MGMT: variants seen among roughly 807,000 people sequenced by gnomAD.
The protein encoded by MGMT is methylated-DNA--protein-cysteine methyltransferase.
MGMT carries 14 observed loss-of-function variants against 15.9 expected under a neutral mutation model. That is an observed-to-expected ratio of 0.88 (90% CI 0.58 to 1.37). The LOEUF is 1.37. Among genes scored for constraint, MGMT ranks in the 40% most tolerant of loss-of-function variants. The probability of loss-of-function intolerance (pLI) is 0.00; values close to 1 mark genes in which losing one functional copy is unlikely to be tolerated. For missense variants in MGMT, 282 were observed against 268.1 expected, an observed-to-expected ratio of 1.05 and a Z score of -0.36; for synonymous variants, 130 against 118.2, an observed-to-expected ratio of 1.10 and a Z score of -0.65.
At chr10:129,756,977 T>C (rs917735437) in intron 3 of MGMT, among the ~76,000 whole-genome samples, 2 of 152,286 alleles carry the variant, frequency 1.3e-5, no homozygotes, top group Non-Finnish European at 2.9e-5. Flanking sequence ...AGCCATGTGA[T>C]TCTGCACAGG....
intron 4 of MGMT, among the ~76,000 whole-genome samples, chr10:129,764,412 G>A (rs956822409): frequency 1.9e-4 from 29 of 152,224 alleles, no homozygotes; most frequent in African/African-American, 6.8e-4. Flanking sequence ...TGAAATCTGT[G>A]GCAGGTACAT....
At chr10:129,474,476 G>A (rs1845267446) in intron 1 of MGMT, among the ~76,000 whole-genome samples, 1 of 152,198 alleles carries the variant, frequency 6.6e-6, no homozygotes, top group Admixed American at 6.5e-5. Context: ...AAGCCTTGGT[G>A]TGTGTGCTTT....
chr10:129,685,876 C>T (rs762733531), intron 2 of MGMT, among the ~76,000 whole-genome samples: 28 of 152,104 alleles, frequency 1.8e-4, no homozygotes, highest in Non-Finnish European at 3.2e-4. Context: ...GAATAAGAAA[C>T]GTTTCTATTT....
Position 129,494,019 on chromosome 10 carries a change from T to C in MGMT, c.-13+26723T>C, listed in dbSNP as rs117452901. ...TTTTGGAGATGGCATAGTGTCCTAC[T>C]GTAAAGATATAACCTTCTTCCATTG... On this transcript the variant is annotated intron_variant, in intron 1 of 4. Coordinates refer to ENST00000651593, the MANE Select transcript of MGMT (RefSeq NM_002412.5). Among the ~76,000 whole-genome samples, 923 of 152,354 alleles carry C rather than the reference T, an allele frequency of 6.1e-3. 5 individuals carry two copies. The highest frequency in any genetic ancestry group is 9.2e-3 in the Non-Finnish European group (629 of 68,024).
At chr10:129,475,288 C>G (rs1164037412) in intron 1 of MGMT, among the ~76,000 whole-genome samples, 3 of 152,016 alleles carry the variant, frequency 2.0e-5, no homozygotes, top group Non-Finnish European at 4.4e-5. Context: ...GTCTCAGCCT[C>G]CTGCAGTTGT....
chr10:129,531,244 C>T (rs1845928185), intron 1 of MGMT, among the ~76,000 whole-genome samples: 1 of 152,136 alleles, frequency 6.6e-6, no homozygotes, highest in Admixed American at 6.5e-5. Context: ...GGCGGTATTA[C>T]TGTGCGGGCT....
chr10:129,622,277 G>A (rs1402116387), intron 2 of MGMT, among the ~76,000 whole-genome samples: 5 of 152,134 alleles, frequency 3.3e-5, no homozygotes, highest in South Asian at 4.1e-4. Context: ...TCTCATCTTC[G>A]CATCAGTTTT....
intron 2 of MGMT, among the ~76,000 whole-genome samples, chr10:129,602,955 AC>A (rs1846842247): frequency 6.6e-6 from 1 of 152,208 alleles, no homozygotes; most frequent in Admixed American, 6.5e-5. Context: ...CACAAAGCAA[AC>A]AAAGAGGTCA....
Position 129,769,249 on chromosome 10 carries a change from C to G in MGMT, c.*2252C>G, listed in dbSNP as rs1848974112. On this transcript the variant is annotated 3_prime_UTR_variant, in exon 5 of 5. Transcript: ENST00000651593. ...CTCTGACAGCCGCAGCAGCAGGGCT[C>G]AAACCGGCGGGGCCGTGTACCGCTC... 1 of 152,280 alleles carries G rather than the reference C, an allele frequency of 6.6e-6. No individual in the cohort carries two copies. Among genetic ancestry groups the G allele is most frequent in the African/African-American group, 2.4e-5 (1 of 41,464 alleles). 9.4% of individuals were successfully genotyped at this position (152,280 alleles called of 1,614,324 possible). A position where few individuals can be genotyped will look rare whatever the true frequency, so the allele number is the denominator to read the frequency against.
intron 2 of MGMT, among the ~76,000 whole-genome samples, chr10:129,539,428 T>G (rs1385346346): frequency 2.0e-5 from 3 of 152,198 alleles, no homozygotes; most frequent in Non-Finnish European, 4.4e-5. Flanking sequence ...TTTTGCTCTG[T>G]TTGGTTCAGC....
chr10:129,636,370 G>A (rs559562408), intron 2 of MGMT, among the ~76,000 whole-genome samples: 1 of 152,312 alleles, frequency 6.6e-6, no homozygotes, highest in Non-Finnish European at 1.5e-5. Context: ...CTCAATAAAT[G>A]TTGGCTCTGA....
intron 1 of MGMT, among the ~76,000 whole-genome samples, chr10:129,473,812 A>T (rs1405024815): frequency 1.3e-5 from 2 of 152,148 alleles, no homozygotes; most frequent in Admixed American, 6.5e-5. Flanking sequence ...GGACTTGGGG[A>T]TGGCAAAGCT....
chr10:129,720,839 A>G (rs1327599018), intron 3 of MGMT, among the ~76,000 whole-genome samples: 1 of 152,130 alleles, frequency 6.6e-6, no homozygotes, highest in Non-Finnish European at 1.5e-5. Flanking sequence ...GAGAGTGAGC[A>G]TTGAATGGGC....
chr10:129,735,438 G>T lies in MGMT; in HGVS notation c.275-23764G>T, dbSNP rs373746622. Among the ~76,000 whole-genome samples, 101 of 152,246 alleles carry T rather than the reference G, an allele frequency of 6.6e-4. 1 individual carries two copies. In the East Asian group the frequency reaches 0.011, roughly 17 times the overall value. ...TTATCATTTTTTATTGCGTCTATTT[G>T]ATTCTTCTCTCTCTTTTTCTTTATT... On this transcript the variant is annotated intron_variant, in intron 3 of 4. Transcript: ENST00000651593.
chr10:129,731,859 C>T (rs925262807), intron 3 of MGMT, among the ~76,000 whole-genome samples: 3 of 152,178 alleles, frequency 2.0e-5, no homozygotes, highest in Non-Finnish European at 4.4e-5. Context: ...ATGCCTGCCT[C>T]AGTGGAAGAC....
chr10:129,526,604 C>T, intron 1 of MGMT, among the ~76,000 whole-genome samples: 1 of 152,194 alleles, frequency 6.6e-6, no homozygotes, highest in East Asian at 1.9e-4. Flanking sequence ...AGGCGATTCT[C>T]CCACCTCCGC....
intron 2 of MGMT, among the ~76,000 whole-genome samples, chr10:129,574,696 C>G (rs1032374405): frequency 2.0e-5 from 3 of 152,184 alleles, no homozygotes; most frequent in Non-Finnish European, 2.9e-5. Flanking sequence ...GATTGCACCA[C>G]TGACGGCTTG....
chr10:129,509,542 A>C (rs1367463680), intron 1 of MGMT, among the ~76,000 whole-genome samples: 1 of 152,226 alleles, frequency 6.6e-6, no homozygotes, highest in African/African-American at 2.4e-5. Flanking sequence ...TGGAGTTCCA[A>C]GTTGTTTAGA....
chr10:129,488,040 CAT>C (rs1180520528), intron 1 of MGMT, among the ~76,000 whole-genome samples: 32 of 148,486 alleles, frequency 2.2e-4, no homozygotes, highest in African/African-American at 4.8e-4. Context: ...CACACACACA[CAT>C]GAATATACCT....
Sources: allele counts gnomAD v4.1 joint callset (sites outside exome capture counted in the v4.1 genomes callset), GRCh38; gene constraint gnomAD v4.1.1; transcripts MANE v1.5; gene names NCBI Gene and HGNC (gene_info 2026-07-23, HGNC 2026-07-21).